The following PPP1R9A variants were observed in gnomAD, a reference collection of about 807,000 sequenced individuals.
The protein encoded by PPP1R9A is protein phosphatase 1 regulatory subunit 9A.
A neutral mutation model predicts 141.9 loss-of-function variants in PPP1R9A; 59 were observed. That is an observed-to-expected ratio of 0.42 (90% CI 0.34 to 0.52). The LOEUF (loss-of-function observed/expected upper bound fraction) is 0.52, where lower values mean the gene tolerates loss of function less well. PPP1R9A is among the 20% of genes least tolerant of loss of function. The pLI, the probability that PPP1R9A is intolerant of heterozygous loss-of-function variation, is 0.10. For synonymous variants in PPP1R9A, 500 were observed against 569.7 expected (o/e 0.88, Z 1.74); for missense variants, 1,444 against 1,611.9 (o/e 0.90, Z 1.78).
intron 7 of PPP1R9A, among the ~76,000 whole-genome samples, chr7:95,221,531 A>G (rs550204591): frequency 6.6e-5 from 10 of 152,196 alleles, no homozygotes; most frequent in Non-Finnish European, 1.3e-4. Flanking sequence ...GTCAAAAGTT[A>G]TATGTTTACC....
chr7:95,105,498 T>C (rs1819384019), intron 2 of PPP1R9A, among the ~76,000 whole-genome samples: 1 of 152,198 alleles, frequency 6.6e-6, no homozygotes, highest in African/African-American at 2.4e-5. Flanking sequence ...AAGTCTTAAA[T>C]TTAAACATCT....
In PPP1R9A at chr7:95,294,589, A is replaced by G. The variant is rs1171402608; in HGVS notation, c.*4286A>G. The G allele has an allele frequency of 6.6e-6, 1 of 152,146 alleles. No homozygotes were observed. The highest frequency in any genetic ancestry group is 6.6e-5 in the Admixed American group (1 of 15,264). 9.4% of individuals were successfully genotyped at this position (152,146 alleles called of 1,614,324 possible). A position where few individuals can be genotyped will look rare whatever the true frequency, so the allele number is the denominator to read the frequency against. On this transcript the variant is annotated 3_prime_UTR_variant, in exon 20 of 20. Coordinates refer to ENST00000433360, the MANE Select transcript of PPP1R9A (RefSeq NM_001166160.2). ...AAAAGCAGCCTGGGTATGTTGGCAG[A>G]TTTTGTTTGCATTTGTCTTGCGTAT...
intron 4 of PPP1R9A, among the ~76,000 whole-genome samples, chr7:95,129,464 A>G (rs1055834956): frequency 1.3e-5 from 2 of 152,216 alleles, no homozygotes; most frequent in Non-Finnish European, 2.9e-5. Context: ...TTTTTCCTGT[A>G]TAAATTACCC....
At chr7:95,211,226 T>C (rs1792060682) in intron 7 of PPP1R9A, among the ~76,000 whole-genome samples, 1 of 152,046 alleles carries the variant, frequency 6.6e-6, no homozygotes, top group South Asian at 2.1e-4. Flanking sequence ...GGCCTGATAC[T>C]CTCAGTTTGA....
At chr7:94,975,338 A>G (rs576370296) in intron 2 of PPP1R9A, among the ~76,000 whole-genome samples, 2 of 144,800 alleles carry the variant, frequency 1.4e-5, no homozygotes, top group Non-Finnish European at 3.0e-5. Context: ...ACCTCTGGAC[A>G]GGCTGTAGTT....
chr7:94,922,146 A>G (rs1261853178), intron 2 of PPP1R9A, among the ~76,000 whole-genome samples: 2 of 150,354 alleles, frequency 1.3e-5, no homozygotes, highest in Admixed American at 6.6e-5. Context: ...AATTAAAAAT[A>G]AAATTATTTT....
At chr7:95,154,485 A>G (rs1829262473) in intron 4 of PPP1R9A, among the ~76,000 whole-genome samples, 1 of 152,164 alleles carries the variant, frequency 6.6e-6, no homozygotes, top group Admixed American at 6.5e-5. Context: ...AGATTCGTAA[A>G]TTAAAATCTT....
intron 7 of PPP1R9A, among the ~76,000 whole-genome samples, chr7:95,216,198 CA>C (rs1296893747): frequency 1.3e-5 from 2 of 152,136 alleles, no homozygotes. Flanking sequence ...TATGGCTAGC[CA>C]GTTTTCCATT....
At chr7:95,026,310 G>C (rs10240939) in intron 2 of PPP1R9A, among the ~76,000 whole-genome samples, 11,656 of 152,228 alleles carry the variant, frequency 0.077, 600 homozygotes, top group African/African-American at 0.15. Context: ...CTGTTTGTTA[G>C]TTTTCCTTCT....
At chr7:95,101,944 A>G (rs950034838) in intron 2 of PPP1R9A, among the ~76,000 whole-genome samples, 1 of 152,114 alleles carries the variant, frequency 6.6e-6, no homozygotes, top group African/African-American at 2.4e-5. Flanking sequence ...GTTGTTAAGG[A>G]GAGCATCCAG....
intron 6 of PPP1R9A, among the ~76,000 whole-genome samples, chr7:95,200,547 TG>T (rs1443638218): frequency 2.6e-5 from 4 of 152,190 alleles, no homozygotes; most frequent in Non-Finnish European, 5.9e-5. Flanking sequence ...TCCAAAGTGC[TG>T]GGATTACAGG....
intron 4 of PPP1R9A, among the ~76,000 whole-genome samples, chr7:95,131,641 T>C (rs1284166889): frequency 4.5e-5 from 6 of 134,638 alleles, no homozygotes; most frequent in South Asian, 2.4e-4. Flanking sequence ...GAATTTTAAC[T>C]TTTTTTTTTT....
At chr7:95,088,419 T>G (rs1816911447) in intron 2 of PPP1R9A, among the ~76,000 whole-genome samples, 1 of 151,928 alleles carries the variant, frequency 6.6e-6, no homozygotes, top group Non-Finnish European at 1.5e-5. Flanking sequence ...ACATTGAATT[T>G]GGAAAGTTTC....
chr7:95,035,880 A>G (rs1214426019), intron 2 of PPP1R9A: 1 of 152,146 alleles, frequency 6.6e-6, no homozygotes, highest in East Asian at 1.9e-4. Context: ...TGTTGAAAAC[A>G]TTTTTTAGCT....
At chr7:95,231,448 T>A (rs552557248) in intron 8 of PPP1R9A, among the ~76,000 whole-genome samples, 59 of 152,274 alleles carry the variant, frequency 3.9e-4, no homozygotes, top group African/African-American at 1.4e-3. Context: ...AGAATATACA[T>A]TCTATTCATC....
intron 2 of PPP1R9A, among the ~76,000 whole-genome samples, chr7:95,018,893 G>A (rs1319417375): frequency 6.6e-6 from 1 of 152,128 alleles, no homozygotes; most frequent in Non-Finnish European, 1.5e-5. Context: ...CTAACTTGTA[G>A]CTTGCAAGTA....
At chr7:95,100,337 A>G (rs73724196) in intron 2 of PPP1R9A, among the ~76,000 whole-genome samples, 10,966 of 152,218 alleles carry the variant, frequency 0.072, 748 homozygotes, top group African/African-American at 0.18. Context: ...TTGATAATAC[A>G]AAAATACATA....
intron 4 of PPP1R9A, 23 bp from the exon 5 acceptor site, chr7:95,161,844 G>A (rs1318012358): frequency 1.4e-6 from 2 of 1,469,826 alleles, no homozygotes; most frequent in Non-Finnish European, 1.9e-6. Context: ...ATTTATGTGG[G>A]TAATTTTTTC....
intron 7 of PPP1R9A, among the ~76,000 whole-genome samples, chr7:95,204,166 TTTAAA>T (rs1435495991): frequency 3.3e-5 from 5 of 152,216 alleles, no homozygotes; most frequent in African/African-American, 1.2e-4. Context: ...TAAATATATC[TTTAAA>T]TTATAGTAGT....
Sources: gnomAD v4.1 joint callset for allele counts (sites outside exome capture counted in the v4.1 genomes callset) on GRCh38, gnomAD v4.1.1 for gene constraint, MANE v1.5 for transcripts, NCBI Gene and HGNC (gene_info 2026-07-23, HGNC 2026-07-21) for gene names.